The following TPR variants were observed in gnomAD, a reference collection of about 807,000 sequenced individuals.
TPR encodes the protein translocated promoter region, nuclear basket protein.
A neutral mutation model predicts 316.1 loss-of-function variants in TPR; 51 were observed. That is an observed-to-expected ratio of 0.16 (90% CI 0.13 to 0.20). The LOEUF (loss-of-function observed/expected upper bound fraction) is 0.20. TPR is among the 10% of genes least tolerant of loss of function. The pLI is 1.00. For missense variants in TPR, 2,272 were observed against 2,754.8 expected (o/e 0.82, Z 3.92); for synonymous variants, 981 against 914.7 (o/e 1.07, Z -1.31).
At chr1:186,344,338 A>G in intron 25 of TPR, 37 bp downstream of exon 25, 1 of 1,590,262 alleles carries the variant, frequency 6.3e-7, no homozygotes, top group Non-Finnish European at 8.6e-7. Context: ...AACTCTTTCA[A>G]TTCAACAGAA....
intron 42 of TPR, chr1:186,325,526 T>G (rs982652295): frequency 2.7e-6 from 1 of 367,884 alleles, no homozygotes; most frequent in African/African-American, 2.1e-5. Flanking sequence ...ACCGTAAGGG[T>G]TACAAAATGT....
chr1:186,350,118 T>A, intron 21 of TPR, 105 bp downstream of exon 21: 1 of 1,126,814 alleles, frequency 8.9e-7, no homozygotes, highest in Non-Finnish European at 1.2e-6. Flanking sequence ...TTGTTTCATT[T>A]TACTAGCATT....
In TPR at chr1:186,311,963, T is replaced by C. The variant is rs1322815954; in HGVS notation, c.*2008A>G. The C allele has an allele frequency of 8.9e-6, 5 of 564,370 alleles. No homozygotes were observed. The East Asian group carries it at 1.5e-4, about 17-fold the overall frequency. The allele number at this position is 564,370 out of a possible 1,614,324, so 35.0% of individuals were successfully genotyped here. A position where few individuals can be genotyped will look rare whatever the true frequency, so the allele number is the denominator to read the frequency against. On this transcript the variant is annotated 3_prime_UTR_variant, in exon 51 of 51. Transcript: ENST00000367478. ...TCAATTGAAATTAAATATATAACTA[T>C]GTAATTTGCTGCATCTATTCATTCA...
intron 29 of TPR, among the ~76,000 whole-genome samples, chr1:186,340,107 G>A (rs751942672): frequency 3.3e-5 from 5 of 152,098 alleles, no homozygotes; most frequent in Non-Finnish European, 5.9e-5. Flanking sequence ...TTTCATTGAA[G>A]TGACATTTAC....
In TPR at chr1:186,343,485, C is replaced by T; in HGVS notation, c.3603-12G>A. On this transcript the variant is annotated splice_polypyrimidine_tract_variant and intron_variant, in intron 26 of 50. Transcript: ENST00000367478. ...CTCGTCGTATAAATCTACAAAAATA[C>T]AGATATTAAAATTTTATGTGAATTT... 1.3e-6 allele frequency: 2 copies of T among 1,599,904 alleles called. No individual in the cohort carries two copies. The highest frequency in any genetic ancestry group is 1.7e-6 in the Non-Finnish European group (2 of 1,175,976).
At chr1:186,333,606 A>G (rs1658243995) in intron 36 of TPR, among the ~76,000 whole-genome samples, 1 of 152,152 alleles carries the variant, frequency 6.6e-6, no homozygotes, top group Non-Finnish European at 1.5e-5. Context: ...AATTAAATAA[A>G]TATCTGTAAC....
chr1:186,312,653 T>A lies in TPR; in HGVS notation c.*1318A>T, dbSNP rs2102040171. 1 of 1,136,994 alleles carries A rather than the reference T, an allele frequency of 8.8e-7. No individual in the cohort carries two copies. The highest frequency in any genetic ancestry group is 1.3e-6 in the Non-Finnish European group (1 of 756,908). 70.4% of individuals were successfully genotyped at this position (1,136,994 alleles called of 1,614,324 possible). ...AACATTATATACCAGTCTATAACCC[T>A]CAATAGTTCTACATCAGAGGGCTAA... On this transcript the variant is annotated 3_prime_UTR_variant, in exon 51 of 51. Coordinates refer to ENST00000367478, the MANE Select transcript of TPR (RefSeq NM_003292.3).
chr1:186,329,367 A>C (rs1233585383), intron 39 of TPR, among the ~76,000 whole-genome samples: 1 of 152,194 alleles, frequency 6.6e-6, no homozygotes, highest in Non-Finnish European at 1.5e-5. Flanking sequence ...TTGGGTCCAG[A>C]AGTGTTTCAG....
Position 186,360,826 on chromosome 1 carries a change from T to C in TPR, c.1038A>G (p.Ile346Met), listed in dbSNP as rs766254482. Residue 346 changes from isoleucine (I) to methionine (M), a missense_variant, in exon 10 of 51, where the codon ATA (isoleucine) becomes ATG (methionine). This residue lies in a region of TPR where 549 missense variants were observed against 598.6 expected (regional missense o/e 0.92). Transcript: ENST00000367478. ...TCTCTAATTCCTTCTCCAATCTCCCTATTTTCTCAAGCATTTCTTTTTCCA... is the reference window on the plus strand; with the variant it reads ...TCTCTAATTCCTTCTCCAATCTCCCCATTTTCTCAAGCATTTCTTTTTCCA... The part of the protein sequence containing the change: ...DQMEKEMLEK[I>M]GRLEKELENA... 1.9e-5 allele frequency: 30 copies of C among 1,612,920 alleles called. No individual in the cohort carries two copies. Among genetic ancestry groups the C allele is most frequent in the Non-Finnish European group, 2.0e-5 (23 of 1,179,344 alleles).
At chr1:186,327,357 T>C in intron 40 of TPR, 103 bp downstream of exon 40, 1 of 688,932 alleles carries the variant, frequency 1.5e-6, no homozygotes, top group Non-Finnish European at 2.3e-6. Flanking sequence ...CTATTTAAGC[T>C]GACTGGGAAC....
chr1:186,365,029 C>G (rs778573945), intron 4 of TPR, among the ~76,000 whole-genome samples: 4 of 151,928 alleles, frequency 2.6e-5, no homozygotes, highest in Middle Eastern at 3.4e-3. Flanking sequence ...ATGACAGACC[C>G]CCTTCTCTGA....
chr1:186,326,533 C>A (rs61810289), intron 40 of TPR, among the ~76,000 whole-genome samples: 43,825 of 151,828 alleles, frequency 0.29, 6,882 homozygotes, highest in Admixed American at 0.38. Context: ...TAAATTTAAA[C>A]AGGTGGAGTT....
intron 30 of TPR, among the ~76,000 whole-genome samples, chr1:186,339,056 CATTA>C (rs1158175612): frequency 3.3e-5 from 5 of 151,994 alleles, no homozygotes; most frequent in African/African-American, 1.2e-4. Flanking sequence ...AAACCAGAAA[CATTA>C]ATTTTAATGT....
At position 186,359,831 on chromosome 1, in the gene TPR, T is replaced by C. The variant is rs771902891; in HGVS notation, c.1357A>G (p.Ser453Gly). ...EYERAQKAVA[S>G]LSVKLEQAMK... ...GCTTGTTCAAGCTTAACAGATAAAC[T>C]TGCTACAGCTTTCTGTGCACGTTCA... The change falls in exon 12 of 51, where the codon AGT becomes GGT. Residue 453 changes from serine (S) to glycine (G), a missense_variant. Physicochemically the swap from Ser to Gly is moderately conservative, Grantham distance 56 (BLOSUM62 0). Transcript: ENST00000367478. 2.5e-6 allele frequency: 4 copies of C among 1,587,030 alleles called. No individual in the cohort carries two copies. In the Admixed American group the frequency reaches 7.8e-5, roughly 31 times the overall value.
At chr1:186,374,654 AC>A (rs534339059) in intron 1 of TPR, among the ~76,000 whole-genome samples, 63 of 152,284 alleles carry the variant, frequency 4.1e-4, no homozygotes, top group South Asian at 3.9e-3. Context: ...GTATGAGCCT[AC>A]CCTAACTACA....
In TPR at chr1:186,361,567, A is replaced by G. The variant is rs561091443; in HGVS notation, c.958+55T>C. The G allele has an allele frequency of 6.0e-5, 93 of 1,546,552 alleles. No homozygotes were observed. In the East Asian group the frequency reaches 1.6e-3, roughly 27 times the overall value. The stretch of plus-strand genomic sequence containing the variant: ...ATCATCTATACAAAACAAGGGTAAA[A>G]AAAAAAAAAGAGTACAATAACAAAA... On this transcript the variant is annotated intron_variant, in intron 9 of 50. Transcript: ENST00000367478.
intron 14 of TPR, 65 bp from the exon 15 acceptor site, chr1:186,356,514 G>C: frequency 7.0e-7 from 1 of 1,433,566 alleles, no homozygotes; most frequent in South Asian, 1.4e-5. Flanking sequence ...AATTTCTACT[G>C]TAATTAACCA....
intron 24 of TPR, among the ~76,000 whole-genome samples, chr1:186,345,130 T>C (rs1475667990): frequency 6.6e-5 from 10 of 152,178 alleles, no homozygotes; most frequent in Non-Finnish European, 4.4e-5. Flanking sequence ...CATACATACA[T>C]ACACTCAAAA....
chr1:186,327,299 A>ATTT (rs1658025596), intron 40 of TPR, among the ~76,000 whole-genome samples, 161 bp downstream of exon 40: 1 of 41,158 alleles, frequency 2.4e-5, no homozygotes, highest in African/African-American at 8.8e-5. Context: ...ATAAATATAT[A>ATTT]ATATATAATA....
Sources: allele counts gnomAD v4.1 joint callset (sites outside exome capture counted in the v4.1 genomes callset), GRCh38; gene constraint gnomAD v4.1.1; regional missense constraint gnomAD v4.1.1; transcripts MANE v1.5; gene names NCBI Gene and HGNC (gene_info 2026-07-23, HGNC 2026-07-21).